The following KRTAP5-5 variants were observed in gnomAD, a reference collection of about 807,000 sequenced individuals.
KRTAP5-5 encodes the protein keratin associated protein 5-5, also known as keratin-associated protein 5-5.
A neutral mutation model predicts 2.8 loss-of-function variants in KRTAP5-5; 1 was observed. That is an observed-to-expected ratio of 0.35 (90% CI 0.13 to 1.67). The LOEUF (loss-of-function observed/expected upper bound fraction) is 1.67. Ranked by LOEUF, KRTAP5-5 falls within the 40% of genes most tolerant of loss-of-function variation. The pLI is 0.35. For missense variants in KRTAP5-5, 134 were observed against 270.9 expected (o/e 0.49, Z 3.55); for synonymous variants, 83 against 110.6 (o/e 0.75, Z 1.57).
At chr11:1,630,079 C>T (rs1232380463) in exon 1 of KRTAP5-5, 8 of 1,610,912 alleles carry the variant, frequency 5.0e-6, no homozygotes, top group Non-Finnish European at 5.9e-6. Flanking sequence ...CCAGCTTGTT[C>T]CTGCTCCAGC....
rs1217358123 is a variant in KRTAP5-5 at position 1,629,938 on chromosome 11, C to A, written c.98C>A (p.Ser33Tyr). The change falls in exon 1 of 1, where the codon TCT becomes TAT. Residue 33 changes from serine (S) to tyrosine (Y), a missense_variant. Transcript: ENST00000399676. ...GGCTCCGGCTGTGGAGGCTGTGGCT[C>A]TGGCTGTGGGGGCTGTGGCTCCGGC... 2.2e-6 allele frequency: 3 copies of A among 1,341,144 alleles called. No homozygotes were observed. The East Asian group carries it at 7.3e-5, about 33-fold the overall frequency. The allele number at this position is 1,341,144 out of a possible 1,614,324, so 83.1% of individuals were successfully genotyped here.
chr11:1,630,742 T>A, downstream of KRTAP5-5: 1 of 768,172 alleles, frequency 1.3e-6, no homozygotes, highest in Non-Finnish European at 2.1e-6. Context: ...CTCCTGAACT[T>A]CCTCTCCCTG....
In KRTAP5-5 at chr11:1,630,004, G is replaced by C. The variant is rs1435715516; in HGVS notation, c.164G>C (p.Cys55Ser). The stretch of plus-strand genomic sequence containing the variant: ...GGCTGTGGCTCCGGCTGTGCGGGCT[G>C]TGGGGGATGTGGCTCCGGCTGCTGT... Residue 55 changes from cysteine to serine, a missense_variant, in exon 1 of 1, where the codon TGT becomes TCT. Coordinates refer to ENST00000399676, the Ensembl canonical transcript of KRTAP5-5. 7 of 1,523,412 alleles carry C rather than the reference G, an allele frequency of 4.6e-6. No individual in the cohort carries two copies. The African/African-American group carries it at 9.9e-5, about 22-fold the overall frequency. The allele number at this position is 1,523,412 out of a possible 1,614,324, so 94.4% of individuals were successfully genotyped here. A position where few individuals can be genotyped will look rare whatever the true frequency, so the allele number is the denominator to read the frequency against.
downstream of KRTAP5-5, chr11:1,630,721 G>C: frequency 1.1e-6 from 1 of 883,184 alleles, no homozygotes. Flanking sequence ...CTGGCTCATT[G>C]CCTACTACTT....
chr11:1,629,804 G>C (rs774197947), exon 1 of KRTAP5-5: 3 of 1,611,050 alleles, frequency 1.9e-6, no homozygotes, highest in South Asian at 1.1e-5. Context: ...CCTCTCACCT[G>C]CTCCTCTACC....
chr11:1,630,560 T>C (rs1278784105), exon 1 of KRTAP5-5: 1 of 1,610,882 alleles, frequency 6.2e-7, no homozygotes, highest in Non-Finnish European at 8.5e-7. Context: ...TCTGAGGCTC[T>C]GACTGCAGAC....
chr11:1,629,962 G>A (rs1849724632), exon 1 of KRTAP5-5: 1 of 1,256,434 alleles, frequency 8.0e-7, no homozygotes, highest in South Asian at 1.4e-5. Context: ...TGTGGCTCCG[G>A]CTGTGGAGGC....
chr11:1,630,110 C>T (rs765424276), exon 1 of KRTAP5-5: 7 of 1,610,760 alleles, frequency 4.3e-6, no homozygotes, highest in Non-Finnish European at 4.2e-6. Flanking sequence ...GGGGCTGTGG[C>T]TCTTGCGGGG....
At chr11:1,629,786 T>C in exon 1 of KRTAP5-5, 2 of 1,610,822 alleles carry the variant, frequency 1.2e-6, no homozygotes, top group Admixed American at 1.7e-5. Context: ...GCTCCACACC[T>C]GCACCTCCCT....
chr11:1,630,808 A>G, downstream of KRTAP5-5: 2 of 608,074 alleles, frequency 3.3e-6, no homozygotes, highest in Non-Finnish European at 3.0e-6. Flanking sequence ...GGCAGATCAG[A>G]CCCCTTAGAC....
chr11:1,630,819 C>T, downstream of KRTAP5-5: 1 of 598,796 alleles, frequency 1.7e-6, no homozygotes. Flanking sequence ...CCCCTTAGAC[C>T]CTGACAGCTG....
exon 1 of KRTAP5-5, chr11:1,630,523 G>A: frequency 1.2e-6 from 2 of 1,614,082 alleles, no homozygotes; most frequent in Admixed American, 1.7e-5. Flanking sequence ...TCCAGCTGCT[G>A]TGTCCCCGTG....
chr11:1,630,728 ACTT>A (rs1165917760), downstream of KRTAP5-5: 1 of 840,736 alleles, frequency 1.2e-6, no homozygotes, highest in African/African-American at 1.7e-5. Flanking sequence ...ATTGCCTACT[ACTT>A]CTCCTGAACT....
rs767745193 is a variant in KRTAP5-5 at position 1,629,952 on chromosome 11, T to C, written c.112T>C (p.Cys38Arg). 6,694 of 1,516,012 alleles carry C rather than the reference T, an allele frequency of 4.4e-3. 32 individuals are homozygous for C. The highest frequency in any genetic ancestry group is 0.01 in the Middle Eastern group (44 of 4,350). 93.9% of individuals were successfully genotyped at this position (1,516,012 alleles called of 1,614,324 possible). A position where few individuals can be genotyped will look rare whatever the true frequency, so the allele number is the denominator to read the frequency against. Residue 38 changes from cysteine (C) to arginine (R), a missense_variant, in exon 1 of 1, where the codon TGT (cysteine) becomes CGT (arginine). Coordinates refer to ENST00000399676, the Ensembl canonical transcript of KRTAP5-5. ...AGGCTGTGGCTCTGGCTGTGGGGGCTGTGGCTCCGGCTGTGGAGGCTGTGG... is the reference window on the plus strand; with the variant it reads ...AGGCTGTGGCTCTGGCTGTGGGGGCCGTGGCTCCGGCTGTGGAGGCTGTGG...
downstream of KRTAP5-5, among the ~76,000 whole-genome samples, chr11:1,630,871 C>T (rs985264098): frequency 6.6e-6 from 1 of 152,168 alleles, no homozygotes; most frequent in Non-Finnish European, 1.5e-5. Flanking sequence ...ATCTCTCTGG[C>T]TGTCTGTATA....
downstream of KRTAP5-5, chr11:1,630,753 C>A (rs944549749): frequency 4.1e-6 from 3 of 736,052 alleles, no homozygotes; most frequent in Admixed American, 5.5e-5. Context: ...CCTCTCCCTG[C>A]TCCTCACTCA....
chr11:1,630,109 G>T (rs759947752), exon 1 of KRTAP5-5: 1 of 1,611,094 alleles, frequency 6.2e-7, no homozygotes, highest in East Asian at 2.2e-5. Context: ...GGGGGCTGTG[G>T]CTCTTGCGGG....
Position 1,629,918 on chromosome 11 carries a change from C to T in KRTAP5-5, c.78C>T (p.Ser26=), listed in dbSNP as rs370698009. 1.0e-4 allele frequency: 161 copies of T among 1,595,654 alleles called. 1 individual carries two copies. The highest frequency in any genetic ancestry group is 3.4e-4 in the East Asian group (15 of 44,446). Residue 26 remains serine (S), a synonymous_variant, in exon 1 of 1, where the codon TCC becomes TCT. Transcript: ENST00000399676. ...GCTCCGGCTGTGGGGGCTGTGGCTC[C>T]GGCTGTGGAGGCTGTGGCTCTGGCT...
exon 1 of KRTAP5-5, chr11:1,630,216 AAGGGGGGCTGTGGCTCCTGTGGGG>A (rs748873768): frequency 1.4e-5 from 3 of 210,596 alleles, no homozygotes; most frequent in Non-Finnish European, 2.6e-5. Context: ...TGGGGGGTCC[AAGGGGGGCTGTGGCTCCTGTGGGG>A]GGTCCAAGGG....
Sources: allele counts gnomAD v4.1 joint callset (sites outside exome capture counted in the v4.1 genomes callset), GRCh38; gene constraint gnomAD v4.1.1; transcripts MANE v1.5; gene names NCBI Gene and HGNC (gene_info 2026-07-23, HGNC 2026-07-21).